Variants in BIRC6 observed in about 807,000 individuals in gnomAD.
BIRC6 encodes the protein baculoviral IAP repeat containing 6.
Under a neutral mutation model 503.3 loss-of-function variants are expected in BIRC6, and 98 were observed. The observed-to-expected ratio is 0.19, with a 90% CI of 0.17 to 0.23. The LOEUF (loss-of-function observed/expected upper bound fraction) is 0.23, where lower values mean the gene tolerates loss of function less well. Among genes scored for constraint, BIRC6 ranks in the 10% least tolerant of loss-of-function variants. The pLI is 1.00. For synonymous variants in BIRC6, 2,240 were observed against 2,078.7 expected (o/e 1.08, Z -2.11); for missense variants, 5,360 against 5,806.0 (o/e 0.92, Z 2.50).
chr2:32,439,823 G>C (rs976338202), intron 16 of BIRC6, 137 bp downstream of exon 16: 1 of 679,306 alleles, frequency 1.5e-6, no homozygotes, highest in African/African-American at 1.9e-5. Context: ...TGTCTTTGGA[G>C]TGACTTAAAT....
chr2:32,436,274 G>A (rs1470076086), intron 15 of BIRC6, 90 bp downstream of exon 15: 4 of 1,160,032 alleles, frequency 3.4e-6, no homozygotes, highest in Non-Finnish European at 2.2e-6. Flanking sequence ...AAATAAGATT[G>A]TTTTCTTTGG....
chr2:32,608,966 G>A (rs572676066), intron 72 of BIRC6, among the ~76,000 whole-genome samples: 1 of 151,484 alleles, frequency 6.6e-6, no homozygotes. Context: ...TGCACCCTCC[G>A]CCTCCCCGGT....
intron 45 of BIRC6, among the ~76,000 whole-genome samples, chr2:32,497,526 C>T (rs1018373178): frequency 3.9e-5 from 6 of 152,164 alleles, no homozygotes; most frequent in African/African-American, 1.4e-4. Flanking sequence ...AAATTTTCAA[C>T]TTATTTTCTA....
intron 66 of BIRC6, among the ~76,000 whole-genome samples, chr2:32,586,908 G>C (rs2061071346): frequency 6.6e-6 from 1 of 152,046 alleles, no homozygotes; most frequent in African/African-American, 2.4e-5. Flanking sequence ...ACTGTTATTT[G>C]TTCTCAGTTC....
chr2:32,510,778 G>C, intron 53 of BIRC6, 144 bp downstream of exon 53: 2 of 578,968 alleles, frequency 3.5e-6, no homozygotes, highest in Non-Finnish European at 6.0e-6. Flanking sequence ...CTCACACGAT[G>C]TAACTTCTGC....
At chr2:32,454,995 C>G (rs2047083175) in intron 23 of BIRC6, among the ~76,000 whole-genome samples, 1 of 152,084 alleles carries the variant, frequency 6.6e-6, no homozygotes, top group South Asian at 2.1e-4. Flanking sequence ...TACATTTACA[C>G]TAGAATAGAA....
intron 2 of BIRC6, chr2:32,378,908 CA>C (rs1236112902): frequency 4.6e-5 from 7 of 152,088 alleles, no homozygotes; most frequent in African/African-American, 1.7e-4. Context: ...TCATATCCTG[CA>C]GTTTGAAAGT....
intron 59 of BIRC6, chr2:32,528,261 T>C (rs1344773902): frequency 2.0e-5 from 3 of 152,356 alleles, no homozygotes; most frequent in Non-Finnish European, 4.4e-5. Context: ...TTCACTCTTG[T>C]TGCCCAGGCT....
chr2:32,509,202 A>G (rs2054130352), intron 51 of BIRC6, among the ~76,000 whole-genome samples: 1 of 152,212 alleles, frequency 6.6e-6, no homozygotes, highest in South Asian at 2.1e-4. Context: ...TGCCTAAAAA[A>G]GCAAACCCAT....
intron 66 of BIRC6, among the ~76,000 whole-genome samples, chr2:32,580,079 G>A (rs542555784): frequency 6.6e-6 from 1 of 151,130 alleles, no homozygotes; most frequent in African/African-American, 2.4e-5. Flanking sequence ...TCAGCCTCCC[G>A]AGTAGCTGGG....
At position 32,533,413 on chromosome 2, in the gene BIRC6, C is replaced by T. The variant is rs113683144; in HGVS notation, c.12291+1862C>T. On this transcript the variant is annotated intron_variant, in intron 61 of 73. Coordinates refer to ENST00000421745, the MANE Select transcript of BIRC6 (RefSeq NM_016252.4). ...TTCTTGCTGCTTATAGTGAAATGTG[C>T]GAGGAAAGATATAAATTGAGAGAAG... 2.3e-3 allele frequency among the ~76,000 whole-genome samples: 347 copies of T among 152,082 alleles called. 4 individuals carry two copies. The highest frequency in any genetic ancestry group is 8.1e-3 in the African/African-American group (334 of 41,466).
intron 66 of BIRC6, among the ~76,000 whole-genome samples, chr2:32,592,895 T>C (rs2061471155): frequency 6.6e-6 from 1 of 152,132 alleles, no homozygotes; most frequent in Non-Finnish European, 1.5e-5. Context: ...ATGCCCAGCC[T>C]ATTTGTTAAG....
chr2:32,460,575 C>T (rs906238690), intron 23 of BIRC6, among the ~76,000 whole-genome samples: 1 of 151,592 alleles, frequency 6.6e-6, no homozygotes, highest in African/African-American at 2.4e-5. Context: ...CCATGCCTGG[C>T]CCAGCCCTAT....
intron 65 of BIRC6, chr2:32,558,652 A>G (rs1360788630): frequency 6.6e-6 from 1 of 152,222 alleles, no homozygotes; most frequent in East Asian, 1.9e-4. Context: ...AGTGCTGCTT[A>G]CCCTACATTG....
At position 32,469,480 on chromosome 2, in the gene BIRC6, C is replaced by A; in HGVS notation, c.6213C>A (p.Thr2071=). The A allele has an allele frequency of 6.2e-7, 1 of 1,613,866 alleles. No homozygotes were observed. Among genetic ancestry groups the A allele is most frequent in the Non-Finnish European group, 8.5e-7 (1 of 1,179,816 alleles). Reference sequence around the variant, plus strand: ...TTAAACACTTGTGCATCAGTGGAACCCCAAAGATACGGTTACATACTGGTC... The same window carrying A: ...TTAAACACTTGTGCATCAGTGGAACACCAAAGATACGGTTACATACTGGTC... ...ELFKHLCISG[T]PKIRLHTGLL... The change falls in exon 30 of 74, where the codon ACC becomes ACA. Residue 2071 remains threonine, a synonymous_variant. Coordinates refer to ENST00000421745, the MANE Select transcript of BIRC6 (RefSeq NM_016252.4).
intron 63 of BIRC6, among the ~76,000 whole-genome samples, chr2:32,547,424 C>T (rs558068128): frequency 5.9e-5 from 9 of 152,282 alleles, no homozygotes; most frequent in Admixed American, 2.0e-4. Flanking sequence ...ATGCATTTAC[C>T]TATTTTGGAT....
intron 61 of BIRC6, among the ~76,000 whole-genome samples, chr2:32,537,456 A>G (rs1204701012): frequency 2.0e-5 from 3 of 152,120 alleles, no homozygotes; most frequent in Non-Finnish European, 4.4e-5. Flanking sequence ...GGATTAAGAA[A>G]CTCACTACAA....
chr2:32,489,322 A>T (rs770784382), intron 42 of BIRC6, among the ~76,000 whole-genome samples: 1 of 152,032 alleles, frequency 6.6e-6, no homozygotes, highest in African/African-American at 2.4e-5. Context: ...GTATTTTCCA[A>T]TGTGAGTGCC....
intron 23 of BIRC6, among the ~76,000 whole-genome samples, chr2:32,454,302 G>A (rs2047009990): frequency 6.6e-6 from 1 of 152,234 alleles, no homozygotes; most frequent in Admixed American, 6.5e-5. Context: ...AGGTTGAGAT[G>A]AGTAAAGAGG....
Sources: gnomAD v4.1 joint callset for allele counts (sites outside exome capture counted in the v4.1 genomes callset) on GRCh38, gnomAD v4.1.1 for gene constraint, MANE v1.5 for transcripts, NCBI Gene and HGNC (gene_info 2026-07-23, HGNC 2026-07-21) for gene names.